Variants in ZMPSTE24 observed in about 807,000 individuals in gnomAD.
ZMPSTE24 encodes CAAX prenyl protease 1 homolog.
In ZMPSTE24, 48 loss-of-function variants were observed where a neutral mutation model predicts 56.7. The ratio of observed to expected loss-of-function variants is 0.85; its 90% CI spans 0.67 to 1.08. The LOEUF (loss-of-function observed/expected upper bound fraction) is 1.08, where lower values mean the gene tolerates loss of function less well. Among genes scored for constraint, ZMPSTE24 ranks in the 50% least tolerant of loss-of-function variants. The pLI, the probability that ZMPSTE24 is intolerant of heterozygous loss-of-function variation, is 0.00. For missense variants in ZMPSTE24, 503 were observed against 548.7 expected (o/e 0.92, Z 0.83); for synonymous variants, 172 against 195.2 (o/e 0.88, Z 0.99).
intron 7 of ZMPSTE24, 40 bp downstream of exon 7, chr1:40,281,567 A>G: frequency 6.3e-7 from 1 of 1,591,200 alleles, no homozygotes; most frequent in Non-Finnish European, 8.6e-7. Context: ...CTTAGTTTTT[A>G]TACACAGTTC....
chr1:40,258,355 G>T lies in ZMPSTE24; in HGVS notation c.84G>T (p.Trp28Cys). 2 of 1,614,186 alleles carry T rather than the reference G, an allele frequency of 1.2e-6. No individual in the cohort carries two copies. ...RIFGAVLLFS[W>C]TVYLWETFLA... The stretch of plus-strand genomic sequence containing the variant: ...TCGGGGCCGTGCTGCTCTTTTCCTG[G>T]ACAGTGTATCTTTGGGAGACCTTCC... The change falls in exon 1 of 10, where the codon TGG becomes TGT. Residue 28 changes from tryptophan (W) to cysteine (C), a missense_variant. By Grantham distance (215) the Trp-to-Cys change is radical (BLOSUM62 -2). Transcript: ENST00000372759.
intron 6 of ZMPSTE24, among the ~76,000 whole-genome samples, chr1:40,277,687 A>T (rs967474692): frequency 3.3e-5 from 5 of 152,068 alleles, no homozygotes; most frequent in Admixed American, 1.3e-4. Context: ...TAGGATTAGC[A>T]GCCAGGCGTG....
chr1:40,260,055 CTTTTTTTTTTTT>C (rs11383054), intron 1 of ZMPSTE24, among the ~76,000 whole-genome samples: 5 of 84,338 alleles, frequency 5.9e-5, no homozygotes, highest in Admixed American at 2.7e-4. Context: ...GATCTTTCTC[CTTTTTTTTTTTT>C]TTTTTTTTTT....
Position 40,258,948 on chromosome 1 carries a change from A to G in ZMPSTE24, c.123+554A>G, listed in dbSNP as rs569825443. Among the ~76,000 whole-genome samples the G allele has an allele frequency of 4.2e-3, 637 of 152,252 alleles. 7 individuals are homozygous for G. Among genetic ancestry groups the G allele is most frequent in the African/African-American group, 0.015 (621 of 41,548 alleles). The stretch of plus-strand genomic sequence containing the variant: ...CGAGGCGGGCGGATCACCTGGGGTC[A>G]GGAGTTCGAGACCAGCCTGACCAAC... On this transcript the variant is annotated intron_variant, in intron 1 of 9. Coordinates refer to ENST00000372759, the MANE Select transcript of ZMPSTE24 (RefSeq NM_005857.5).
rs140415968 is a variant in ZMPSTE24 at position 40,258,259 on chromosome 1, G to A, written c.-13G>A. On this transcript the variant is annotated 5_prime_UTR_variant, in exon 1 of 10. Transcript: ENST00000372759. ...CCGGTGCACGCTGAAGGAGCCGGCG[G>A]AACCGGGTGGCCATGGGGATGTGGG... 1.4e-4 allele frequency: 218 copies of A among 1,613,244 alleles called. No homozygotes were observed. Among genetic ancestry groups the A allele is most frequent in the Non-Finnish European group, 1.8e-4 (210 of 1,179,944 alleles).
At chr1:40,285,093 T>TTTATTA (rs148578925) in intron 7 of ZMPSTE24, among the ~76,000 whole-genome samples, 19 of 144,738 alleles carry the variant, frequency 1.3e-4, no homozygotes, top group South Asian at 4.5e-4. Context: ...GCCTGGCTAA[T>TTTATTA]TTATTATTAT....
At chr1:40,273,684 C>T (rs901149438) in intron 6 of ZMPSTE24, among the ~76,000 whole-genome samples, 1 of 144,804 alleles carries the variant, frequency 6.9e-6, no homozygotes, top group Admixed American at 6.9e-5. Flanking sequence ...ACTTCTTTAG[C>T]CTCTGAAATA....
chr1:40,261,869 C>T (rs190741746), intron 2 of ZMPSTE24, among the ~76,000 whole-genome samples: 203 of 152,304 alleles, frequency 1.3e-3, no homozygotes, highest in Admixed American at 3.1e-3. Context: ...GCCACCACAC[C>T]TGGCTAATTT....
chr1:40,289,018 T>C (rs1427289016), intron 8 of ZMPSTE24, among the ~76,000 whole-genome samples: 1 of 152,174 alleles, frequency 6.6e-6, no homozygotes, highest in Admixed American at 6.5e-5. Context: ...CAGTCCACTT[T>C]CATCTGGTGC....
chr1:40,272,750 G>C (rs1356275744), intron 6 of ZMPSTE24, among the ~76,000 whole-genome samples: 1 of 152,158 alleles, frequency 6.6e-6, no homozygotes, highest in African/African-American at 2.4e-5. Context: ...ATGACTTTCA[G>C]AATTTATAAA....
intron 8 of ZMPSTE24, chr1:40,290,508 T>C (rs1643830420): frequency 6.0e-6 from 1 of 166,758 alleles, no homozygotes. Flanking sequence ...TTGCCCAGGC[T>C]GGAGTGCAGT....
At chr1:40,270,810 A>G (rs937987643) in intron 5 of ZMPSTE24, among the ~76,000 whole-genome samples, 8 of 152,090 alleles carry the variant, frequency 5.3e-5, no homozygotes, top group Non-Finnish European at 1.0e-4. Flanking sequence ...CACAAACACT[A>G]CAACGCAGTC....
chr1:40,286,001 A>G lies in ZMPSTE24; in HGVS notation c.1031A>G (p.His344Arg), dbSNP rs1643783423. 6.2e-7 allele frequency: 1 copy of G among 1,614,038 alleles called. No homozygotes were observed. Among genetic ancestry groups the G allele is most frequent in the Non-Finnish European group, 8.5e-7 (1 of 1,179,906 alleles). ...GAACTGGGGCACTGGAAGTTGGGAC[A>G]TACAGTCAAAAATATCATTATTAGC... ...GHELGHWKLG[H>R]TVKNIIISQM... Residue 344 changes from histidine (H) to arginine (R), a missense_variant, in exon 8 of 10, where the codon CAT becomes CGT. Transcript: ENST00000372759.
At chr1:40,274,801 G>C (rs1469901541) in intron 6 of ZMPSTE24, among the ~76,000 whole-genome samples, 1 of 152,178 alleles carries the variant, frequency 6.6e-6, no homozygotes, top group Non-Finnish European at 1.5e-5. Context: ...TGGTAGCTTA[G>C]ACTAGGATAA....
intron 8 of ZMPSTE24, among the ~76,000 whole-genome samples, chr1:40,287,713 T>C (rs1346176756): frequency 6.6e-6 from 1 of 150,568 alleles, no homozygotes; most frequent in African/African-American, 2.4e-5. Flanking sequence ...TCATTGGAAA[T>C]TGTAGAAAAT....
intron 2 of ZMPSTE24, chr1:40,262,857 TAAC>T (rs1553179118): frequency 1.7e-6 from 2 of 1,185,404 alleles, no homozygotes; most frequent in Non-Finnish European, 2.1e-6. Context: ...TTGAACAACT[TAAC>T]AACACTACCT....
At chr1:40,289,900 TAC>T (rs1643823404) in intron 8 of ZMPSTE24, among the ~76,000 whole-genome samples, 1 of 152,126 alleles carries the variant, frequency 6.6e-6, no homozygotes, top group African/African-American at 2.4e-5. Flanking sequence ...TGTATCTGAT[TAC>T]AGTGTTATAA....
chr1:40,289,585 C>T (rs979668597), intron 8 of ZMPSTE24, among the ~76,000 whole-genome samples: 4 of 152,182 alleles, frequency 2.6e-5, no homozygotes, highest in African/African-American at 9.7e-5. Flanking sequence ...TCTAAGCTGA[C>T]AGCTTCTTGG....
intron 6 of ZMPSTE24, among the ~76,000 whole-genome samples, chr1:40,275,041 T>C (rs1350832099): frequency 6.6e-6 from 1 of 152,044 alleles, no homozygotes; most frequent in Non-Finnish European, 1.5e-5. Flanking sequence ...TATTACATAT[T>C]GAGGAACCTA....
Sources: allele counts gnomAD v4.1 joint callset (sites outside exome capture counted in the v4.1 genomes callset), GRCh38; gene constraint gnomAD v4.1.1; transcripts MANE v1.5; gene names NCBI Gene and HGNC (gene_info 2026-07-23, HGNC 2026-07-21).